The following TGIF2 variants were observed in gnomAD, a reference collection of about 807,000 sequenced individuals.
TGIF2 encodes homeobox protein TGIF2.
Under a neutral mutation model 15.1 loss-of-function variants are expected in TGIF2, and 5 were observed. The observed-to-expected ratio is 0.33, with a 90% CI of 0.17 to 0.70. TGIF2 has a LOEUF of 0.70. Ranked by LOEUF, TGIF2 falls within the 30% of genes least tolerant of loss-of-function variation. The pLI is 0.67. For missense variants in TGIF2, 264 were observed against 302.5 expected (o/e 0.87, Z 0.94); for synonymous variants, 131 against 128.9 (o/e 1.02, Z -0.11).
chr20:36,585,709 A>G (rs1200000180), intron 2 of TGIF2, among the ~76,000 whole-genome samples: 1 of 152,092 alleles, frequency 6.6e-6, no homozygotes, highest in African/African-American at 2.4e-5. Context: ...GGGTTAGGGA[A>G]AAAAGTAGTT....
intron 2 of TGIF2, 98 bp downstream of exon 2, chr20:36,579,064 T>A: frequency 6.8e-7 from 1 of 1,461,278 alleles, no homozygotes; most frequent in South Asian, 1.4e-5. Flanking sequence ...GGCCACTCAC[T>A]TTCACTGTCT....
intron 2 of TGIF2, among the ~76,000 whole-genome samples, chr20:36,581,366 C>T (rs1425686403): frequency 6.6e-6 from 1 of 151,998 alleles, no homozygotes; most frequent in Admixed American, 6.6e-5. Flanking sequence ...TCCCTGCCTT[C>T]AGCCTTCAGC....
At chr20:36,584,145 A>G (rs559856919) in intron 2 of TGIF2, among the ~76,000 whole-genome samples, 2 of 152,204 alleles carry the variant, frequency 1.3e-5, no homozygotes, top group African/African-American at 4.8e-5. Context: ...TTGAACCTCA[A>G]CCCTGGTCCC....
chr20:36,579,798 T>C (rs1010854631), intron 2 of TGIF2, among the ~76,000 whole-genome samples: 2 of 152,152 alleles, frequency 1.3e-5, no homozygotes, highest in African/African-American at 4.8e-5. Flanking sequence ...GGTGGATCTG[T>C]TGTGACGAAT....
At chr20:36,586,408 C>G (rs2038659054) in intron 2 of TGIF2, among the ~76,000 whole-genome samples, 1 of 152,132 alleles carries the variant, frequency 6.6e-6, no homozygotes, top group Non-Finnish European at 1.5e-5. Flanking sequence ...TTAAAAATCT[C>G]TCCCAGGCTG....
At chr20:36,586,600 C>T (rs1300565665) in intron 2 of TGIF2, among the ~76,000 whole-genome samples, 1 of 151,752 alleles carries the variant, frequency 6.6e-6, no homozygotes, top group Non-Finnish European at 1.5e-5. Flanking sequence ...GAGGCTGAGG[C>T]AGGAGAACTG....
chr20:36,580,405 C>T, intron 2 of TGIF2, among the ~76,000 whole-genome samples: 1 of 152,166 alleles, frequency 6.6e-6, no homozygotes, highest in East Asian at 1.9e-4. Flanking sequence ...AAACCTGGAC[C>T]TTGGCCAGGT....
At chr20:36,577,247 T>C (rs1383992235) in intron 1 of TGIF2, among the ~76,000 whole-genome samples, 1 of 152,090 alleles carries the variant, frequency 6.6e-6, no homozygotes. Context: ...TCACCCAGGC[T>C]GGAGTGCAAT....
At chr20:36,575,533 A>C (rs2038410284) in intron 1 of TGIF2, among the ~76,000 whole-genome samples, 1 of 152,162 alleles carries the variant, frequency 6.6e-6, no homozygotes, top group Non-Finnish European at 1.5e-5. Flanking sequence ...TGACCTCAGA[A>C]AGCAGCCTGC....
At chr20:36,585,882 G>A (rs1446032109) in intron 2 of TGIF2, among the ~76,000 whole-genome samples, 1 of 152,216 alleles carries the variant, frequency 6.6e-6, no homozygotes, top group Non-Finnish European at 1.5e-5. Flanking sequence ...TGGGTATACA[G>A]TGGTAGAATG....
At chr20:36,585,179 C>T (rs1473498141) in intron 2 of TGIF2, among the ~76,000 whole-genome samples, 1 of 151,614 alleles carries the variant, frequency 6.6e-6, no homozygotes, top group Non-Finnish European at 1.5e-5. Flanking sequence ...GCCTGGGCAA[C>T]AAGAGTGAAA....
intron 2 of TGIF2, among the ~76,000 whole-genome samples, chr20:36,583,645 C>T (rs928261369): frequency 4.6e-5 from 7 of 152,090 alleles, no homozygotes; most frequent in Admixed American, 4.6e-4. Flanking sequence ...GCCTATAATC[C>T]CAGCACTTTG....
chr20:36,589,829 C>CA (rs1264074263), intron 2 of TGIF2, among the ~76,000 whole-genome samples: 2 of 152,142 alleles, frequency 1.3e-5, no homozygotes, highest in Non-Finnish European at 2.9e-5. Context: ...GCCGAGACTA[C>CA]AGACACGCAC....
At chr20:36,587,978 G>A (rs2038692888) in intron 2 of TGIF2, among the ~76,000 whole-genome samples, 1 of 151,928 alleles carries the variant, frequency 6.6e-6, no homozygotes, top group Non-Finnish European at 1.5e-5. Flanking sequence ...GCTGAGGTGG[G>A]AGAATTACCT....
chr20:36,574,134 G>A (rs1008565891), intron 1 of TGIF2, among the ~76,000 whole-genome samples: 1 of 150,716 alleles, frequency 6.6e-6, no homozygotes, highest in Non-Finnish European at 1.5e-5. Flanking sequence ...CCCCGCCGCC[G>A]AGCCGGACAG....
chr20:36,579,097 TA>T, intron 2 of TGIF2, 131 bp downstream of exon 2: 1 of 1,273,374 alleles, frequency 7.9e-7, no homozygotes, highest in Non-Finnish European at 1.1e-6. Context: ...CTTCTTGGGT[TA>T]GGGGAGAACA....
intron 1 of TGIF2, chr20:36,574,475 C>CCCCCTCCCCTCCCTT (rs2098383979): frequency 2.0e-5 from 3 of 148,756 alleles, no homozygotes; most frequent in Non-Finnish European, 4.5e-5. Flanking sequence ...GGGAGCCCAG[C>CCCCCTCCCCTCCCTT]CCCCTCCCCT....
At chr20:36,582,182 A>G (rs2038559827) in intron 2 of TGIF2, among the ~76,000 whole-genome samples, 1 of 152,062 alleles carries the variant, frequency 6.6e-6, no homozygotes, top group African/African-American at 2.4e-5. Flanking sequence ...GGTTGCGGTG[A>G]GCCAAGATCA....
Position 36,584,185 on chromosome 20 carries a change from C to A in TGIF2, c.192+5219C>A, listed in dbSNP as rs527685. Among the ~76,000 whole-genome samples the A allele has an allele frequency of 2.3e-3, 350 of 152,356 alleles. 1 individual carries two copies. The highest frequency in any genetic ancestry group is 6.8e-3 in the Middle Eastern group (2 of 294). ...ATTCCCACTACATTGATCCACCTCC[C>A]CAGACCATTTTCCTCCCACCCCTGA... On this transcript the variant is annotated intron_variant, in intron 2 of 2. Coordinates refer to ENST00000373872, the MANE Select transcript of TGIF2 (RefSeq NM_021809.7).
Sources: allele counts gnomAD v4.1 joint callset (sites outside exome capture counted in the v4.1 genomes callset), GRCh38; gene constraint gnomAD v4.1.1; transcripts MANE v1.5; gene names NCBI Gene and HGNC (gene_info 2026-07-23, HGNC 2026-07-21).